PITPNA: variants seen among roughly 807,000 people sequenced by gnomAD.
PITPNA encodes phosphatidylinositol transfer protein alpha, also known as phosphatidylinositol transfer protein alpha isoform.
PITPNA carries 13 observed loss-of-function variants against 50.3 expected under a neutral mutation model. The ratio of observed to expected loss-of-function variants is 0.26; its 90% confidence interval spans 0.17 to 0.41. The LOEUF is 0.41. Among genes scored for constraint, PITPNA ranks in the 10% least tolerant of loss-of-function variants. The pLI, the probability that PITPNA is intolerant of heterozygous loss-of-function variation, is 1.00. For missense variants in PITPNA, 207 were observed against 333.4 expected, an observed-to-expected ratio of 0.62 and a Z score of 2.95; for synonymous variants, 120 against 119.6, an observed-to-expected ratio of 1.00 and a Z score of -0.02.
intron 10 of PITPNA, among the ~76,000 whole-genome samples, chr17:1,531,012 C>T (rs572271295): frequency 1.7e-4 from 21 of 125,306 alleles, no homozygotes; most frequent in African/African-American, 5.5e-4. Flanking sequence ...TTCCCTTCTC[C>T]TGCTCTGGAA....
Position 1,539,800 on chromosome 17 carries a change from G to A in PITPNA, c.373-848C>T, listed in dbSNP as rs1401501621. Among the ~76,000 whole-genome samples the A allele has an allele frequency of 3.9e-5, 6 of 152,346 alleles. No homozygotes were observed. The South Asian group carries it at 6.2e-4, about 16-fold the overall frequency. On this transcript the variant is annotated intron_variant, in intron 6 of 11. Transcript: ENST00000313486. ...CGCCCAGGCTGGAGTGCAATGGCGC[G>A]ATCTCGGCTCACTGCAAACTCTGCC...
chr17:1,560,384 CGG>C, intron 1 of PITPNA, among the ~76,000 whole-genome samples: 1 of 134,156 alleles, frequency 7.5e-6, no homozygotes, highest in African/African-American at 3.1e-5. Context: ...GCCAGTGTCT[CGG>C]ATGCCCTGAT....
chr17:1,538,837 G>A (rs1348514572), intron 7 of PITPNA, 32 bp downstream of exon 7: 12 of 1,444,546 alleles, frequency 8.3e-6, no homozygotes, highest in East Asian at 2.3e-5. Context: ...TCTGCGTCTC[G>A]AAGGCCACCC....
intron 3 of PITPNA, among the ~76,000 whole-genome samples, chr17:1,551,942 G>A (rs545494181): frequency 3.1e-4 from 47 of 150,234 alleles, no homozygotes; most frequent in African/African-American, 9.2e-4. Context: ...TGCTCTCCTC[G>A]CACCCCGGTA....
chr17:1,561,229 C>T (rs2075766461), intron 1 of PITPNA: 1 of 152,268 alleles, frequency 6.6e-6, no homozygotes, highest in South Asian at 2.1e-4. Context: ...GATGGCTCAT[C>T]TTGTACTTGA....
chr17:1,536,648 C>T (rs1274887483), intron 7 of PITPNA, among the ~76,000 whole-genome samples: 2 of 151,958 alleles, frequency 1.3e-5, no homozygotes, highest in Non-Finnish European at 2.9e-5. Flanking sequence ...GGCTGGAGTG[C>T]AGTGGCACGA....
chr17:1,547,581 C>T (rs530619032), intron 4 of PITPNA, among the ~76,000 whole-genome samples: 3 of 151,942 alleles, frequency 2.0e-5, no homozygotes, highest in East Asian at 1.9e-4. Context: ...ACCCAGGAGG[C>T]GGAGTTTGCA....
intron 4 of PITPNA, among the ~76,000 whole-genome samples, chr17:1,544,304 T>C (rs2151009888): frequency 6.6e-6 from 1 of 152,296 alleles, no homozygotes; most frequent in Non-Finnish European, 1.5e-5. Flanking sequence ...GAATGTCCCG[T>C]TTCGGTAGCA....
In PITPNA at chr17:1,562,498, ACCCT is replaced by A; in HGVS notation, c.20+39_20+42del. On this transcript the variant is annotated intron_variant, in intron 1 of 11. Transcript: ENST00000313486. This position sits in a 1 kb window ranked among gnomAD's most constrained non-coding sequence, Gnocchi z 6.4. Reference sequence around the variant, plus strand: ...CGCCGTCGCCCCGGCGGCCGTCCCCACCCTCCCTCCTCCCCGCTTCCGCACGGCC... The same window carrying A: ...CGCCGTCGCCCCGGCGGCCGTCCCCACCCTCCTCCCCGCTTCCGCACGGCC... 9.9e-7 allele frequency: 1 copy of A among 1,009,030 alleles called. No homozygotes were observed. The highest frequency in any genetic ancestry group is 1.3e-6 in the Non-Finnish European group (1 of 743,138). The allele number at this position is 1,009,030 out of a possible 1,614,324, so 62.5% of individuals were successfully genotyped here.
At chr17:1,532,330 G>A (rs2075588482) in intron 10 of PITPNA, among the ~76,000 whole-genome samples, 1 of 152,042 alleles carries the variant, frequency 6.6e-6, no homozygotes, top group Non-Finnish European at 1.5e-5. Context: ...CTCGTGATCT[G>A]CCCACCTTAG....
chr17:1,525,823 G>T (rs2075544472), intron 10 of PITPNA, among the ~76,000 whole-genome samples: 1 of 152,154 alleles, frequency 6.6e-6, no homozygotes, highest in Non-Finnish European at 1.5e-5. Context: ...TGGCCAGCTT[G>T]TCATATTTTT....
intron 4 of PITPNA, among the ~76,000 whole-genome samples, chr17:1,543,914 G>A (rs542501055): frequency 4.0e-4 from 61 of 152,184 alleles, no homozygotes; most frequent in Non-Finnish European, 6.9e-4. Context: ...AGAAAACCAC[G>A]TTAGAATAAG....
intron 3 of PITPNA, among the ~76,000 whole-genome samples, chr17:1,550,359 C>T (rs187126131): frequency 6.6e-6 from 1 of 152,018 alleles, no homozygotes; most frequent in Non-Finnish European, 1.5e-5. Context: ...GCAGGCTCTG[C>T]GAGGAAAGTC....
In PITPNA at chr17:1,562,493, TC is replaced by T; in HGVS notation, c.20+47del. The T allele has an allele frequency of 1.4e-6, 2 of 1,384,726 alleles. No individual in the cohort carries two copies. Among genetic ancestry groups the T allele is most frequent in the Non-Finnish European group, 1.9e-6 (2 of 1,053,454 alleles). 85.8% of individuals were successfully genotyped at this position (1,384,726 alleles called of 1,614,324 possible). A position where few individuals can be genotyped will look rare whatever the true frequency, so the allele number is the denominator to read the frequency against. On this transcript the variant is annotated intron_variant, in intron 1 of 11. Coordinates refer to ENST00000313486, the MANE Select transcript of PITPNA (RefSeq NM_006224.4). This position sits in a 1 kb window ranked among gnomAD's most constrained non-coding sequence, Gnocchi z 6.4. ...CGCCGCGCCGTCGCCCCGGCGGCCGTCCCCACCCTCCCTCCTCCCCGCTTCC... is the reference window on the plus strand; with the variant it reads ...CGCCGCGCCGTCGCCCCGGCGGCCGTCCCACCCTCCCTCCTCCCCGCTTCC...
intron 10 of PITPNA, among the ~76,000 whole-genome samples, chr17:1,523,577 G>A (rs1481038631): frequency 2.8e-5 from 4 of 144,018 alleles, no homozygotes; most frequent in Non-Finnish European, 6.0e-5. Context: ...GTGTGATCTC[G>A]GCTCACTGCA....
intron 7 of PITPNA, among the ~76,000 whole-genome samples, chr17:1,536,477 GACGGGGTTTC>G (rs1410318251): frequency 6.6e-6 from 1 of 151,958 alleles, no homozygotes; most frequent in Non-Finnish European, 1.5e-5. Flanking sequence ...TTTTAGTAGA[GACGGGGTTTC>G]ACCGTGTTAG....
At chr17:1,531,358 T>C (rs996352067) in intron 10 of PITPNA, among the ~76,000 whole-genome samples, 1 of 151,826 alleles carries the variant, frequency 6.6e-6, no homozygotes, top group African/African-American at 2.4e-5. Flanking sequence ...CCGAGTACCC[T>C]GAGGTAGAGG....
intron 6 of PITPNA, among the ~76,000 whole-genome samples, chr17:1,541,161 A>G (rs1165220139): frequency 6.6e-6 from 1 of 152,194 alleles, no homozygotes; most frequent in Non-Finnish European, 1.5e-5. Flanking sequence ...GAAGACTGCA[A>G]TGAGTCTCCT....
At chr17:1,543,682 G>A (rs2075659291) in intron 4 of PITPNA, among the ~76,000 whole-genome samples, 1 of 152,146 alleles carries the variant, frequency 6.6e-6, no homozygotes, top group Non-Finnish European at 1.5e-5. Flanking sequence ...TGTTTGTAGA[G>A]TGTGTGGGGT....
Sources: allele counts gnomAD v4.1 joint callset (sites outside exome capture counted in the v4.1 genomes callset), GRCh38; gene constraint gnomAD v4.1.1; non-coding constraint Gnocchi (gnomAD v3.1); transcripts MANE v1.5; gene names NCBI Gene and HGNC (gene_info 2026-07-23, HGNC 2026-07-21).